HMCN2: variants seen among roughly 807,000 people sequenced by gnomAD.
HMCN2 encodes the protein hemicentin 2, also known as hemicentin-2.
Under a neutral mutation model 377.5 loss-of-function variants are expected in HMCN2, and 325 were observed. The observed-to-expected ratio is 0.86, with a 90% CI of 0.79 to 0.94. The LOEUF (loss-of-function observed/expected upper bound fraction) is 0.94, where lower values mean the gene tolerates loss of function less well. Among genes scored for constraint, HMCN2 ranks in the 40% least tolerant of loss-of-function variants. HMCN2 has a pLI of 0.00. For missense variants in HMCN2, 4,543 were observed against 4,725.3 expected (o/e 0.96, Z 1.13); for synonymous variants, 2,007 against 2,046.8 (o/e 0.98, Z 0.53).
At chr9:130,340,103 G>A (rs1235810886) in intron 23 of HMCN2, among the ~76,000 whole-genome samples, 1 of 152,234 alleles carries the variant, frequency 6.6e-6, no homozygotes, top group Non-Finnish European at 1.5e-5. Context: ...TCTGCAAAAT[G>A]CGGAGGCATG....
chr9:130,340,520 C>CTT (rs879005826), intron 23 of HMCN2, among the ~76,000 whole-genome samples: 30,643 of 144,002 alleles, frequency 0.21, 3,969 homozygotes, highest in East Asian at 0.46. Context: ...CCAAGTGGCG[C>CTT]TTTTTTTTTT....
chr9:130,421,892 AG>A (rs1158437006), intron 86 of HMCN2, among the ~76,000 whole-genome samples: 1 of 152,228 alleles, frequency 6.6e-6, no homozygotes, highest in African/African-American at 2.4e-5. Context: ...ATTTCCCCTG[AG>A]AGCTGCTGAG....
Position 130,371,104 on chromosome 9 carries a change from C to G in HMCN2, c.7210C>G (p.Pro2404Ala). The change falls in exon 46 of 98, where the codon CCC becomes GCC. Residue 2404 changes from proline (P) to alanine (A), a missense_variant. Coordinates refer to ENST00000683500, the MANE Select transcript of HMCN2 (RefSeq NM_001291815.2). ...GTTCCGAGGGGAGGAGCCTGTCAGC[C>G]CCGGGGAGGACACCTACCTGCTGGC... The part of the protein sequence containing the change: ...RWFRGEEPVS[P>A]GEDTYLLAGG... 1.0e-6 allele frequency: 1 copy of G among 985,986 alleles called. No homozygotes were observed. Among genetic ancestry groups the G allele is most frequent in the Non-Finnish European group, 1.2e-6 (1 of 830,048 alleles). The allele number at this position is 985,986 out of a possible 1,614,324, so 61.1% of individuals were successfully genotyped here. A position where few individuals can be genotyped will look rare whatever the true frequency, so the allele number is the denominator to read the frequency against.
intron 97 of HMCN2, chr9:130,433,009 A>G: frequency 2.6e-6 from 1 of 388,088 alleles, no homozygotes; most frequent in Non-Finnish European, 4.6e-6. Context: ...CTCCACCTCC[A>G]ACCCCGCCCC....
At chr9:130,424,220 C>A (rs1314066589) in intron 87 of HMCN2, among the ~76,000 whole-genome samples, 1 of 150,394 alleles carries the variant, frequency 6.6e-6, no homozygotes, top group Non-Finnish European at 1.5e-5. Context: ...GCTCTGTCAC[C>A]CAGGCTAGAG....
chr9:130,335,079 G>C (rs1838673694), intron 22 of HMCN2, among the ~76,000 whole-genome samples: 1 of 152,098 alleles, frequency 6.6e-6, no homozygotes, highest in Admixed American at 6.6e-5. Flanking sequence ...ATGAAATGGG[G>C]TTCAGAGATG....
chr9:130,268,250 C>T (rs1554919928), intron 1 of HMCN2, among the ~76,000 whole-genome samples: 1 of 152,222 alleles, frequency 6.6e-6, no homozygotes, highest in East Asian at 1.9e-4. Context: ...CCTCTCCTCT[C>T]TGGGCACTGA....
chr9:130,275,069 C>T (rs1834613741), intron 1 of HMCN2, among the ~76,000 whole-genome samples: 1 of 152,228 alleles, frequency 6.6e-6, no homozygotes, highest in Admixed American at 6.5e-5. Context: ...CGCCTGGACC[C>T]ACGGAAGATG....
chr9:130,294,210 G>C (rs1835979158), intron 4 of HMCN2, among the ~76,000 whole-genome samples: 1 of 152,192 alleles, frequency 6.6e-6, no homozygotes, highest in African/African-American at 2.4e-5. Flanking sequence ...TAAGGGATAG[G>C]ATGATATCCC....
chr9:130,293,445 A>G (rs552192336), intron 4 of HMCN2, among the ~76,000 whole-genome samples: 6 of 151,912 alleles, frequency 3.9e-5, no homozygotes, highest in African/African-American at 1.2e-4. Context: ...TTTGCACAGG[A>G]TGGACGCTCT....
At chr9:130,418,539 T>C (rs886132470) in intron 85 of HMCN2, among the ~76,000 whole-genome samples, 1 of 151,980 alleles carries the variant, frequency 6.6e-6, no homozygotes, top group Non-Finnish European at 1.5e-5. Flanking sequence ...AGAGTGAGAC[T>C]CCATCTCAAA....
At chr9:130,280,907 C>T (rs1466605779) in intron 1 of HMCN2, among the ~76,000 whole-genome samples, 1 of 151,936 alleles carries the variant, frequency 6.6e-6, no homozygotes, top group Non-Finnish European at 1.5e-5. Flanking sequence ...AGATCGAGAC[C>T]ATCCTGGCCA....
At chr9:130,410,280 A>C (rs1367341085) in intron 84 of HMCN2, among the ~76,000 whole-genome samples, 2 of 138,584 alleles carry the variant, frequency 1.4e-5, no homozygotes, top group African/African-American at 5.4e-5. Context: ...ACAGTTTGGA[A>C]GAGGTGGATC....
chr9:130,372,496 T>C, intron 47 of HMCN2, 89 bp downstream of exon 47: 1 of 306,490 alleles, frequency 3.3e-6, no homozygotes, highest in Non-Finnish European at 4.8e-6. Context: ...GACTCATGGC[T>C]CATGCTGTAG....
At chr9:130,286,023 A>G (rs1171229469) in intron 3 of HMCN2, among the ~76,000 whole-genome samples, 165 bp from the exon 4 acceptor site, 1 of 152,064 alleles carries the variant, frequency 6.6e-6, no homozygotes, top group Non-Finnish European at 1.5e-5. Context: ...TGAGATGGGC[A>G]CTTCTATTTT....
In HMCN2 at chr9:130,355,792, C is replaced by T; in HGVS notation, c.5193C>T (p.Thr1731=). 1 of 1,303,876 alleles carries T rather than the reference C, an allele frequency of 7.7e-7. No individual in the cohort carries two copies. The highest frequency in any genetic ancestry group is 1.0e-6 in the Non-Finnish European group (1 of 988,948). 80.8% of individuals were successfully genotyped at this position (1,303,876 alleles called of 1,614,324 possible). ...CTGAAGGCTTGGGACAGGTGACCAC[C>T]ATCGTGGGACAGCCCCTGGAACTTC... ...LVAEGLGQVT[T]IVGQPLELPC... is the part of the protein sequence containing the mutation. The change falls in exon 33 of 98, where the codon ACC becomes ACT. Residue 1731 remains threonine, a synonymous_variant. Transcript: ENST00000683500.
intron 85 of HMCN2, among the ~76,000 whole-genome samples, chr9:130,413,343 AG>A (rs1372453288): frequency 6.6e-6 from 1 of 152,168 alleles, no homozygotes; most frequent in African/African-American, 2.4e-5. Flanking sequence ...TTAGGTGGAA[AG>A]CAGTCAGTCT....
In HMCN2 at chr9:130,349,647, T is replaced by C; in HGVS notation, c.4414T>C (p.Trp1472Arg). Residue 1472 changes from tryptophan to arginine, a missense_variant, in exon 29 of 98, where the codon TGG becomes CGG. By Grantham distance (101) the Trp-to-Arg change is moderately radical. Transcript: ENST00000683500. The part of the protein sequence containing the change: ...TSGVPTPQVE[W>R]TKDRQPVLPG... ...AGGGGTCCCCACGCCCCAGGTGGAG[T>C]GGACCAAGGACAGGCAGTGAGTGCC... 3 of 1,303,334 alleles carry C rather than the reference T, an allele frequency of 2.3e-6. No individual in the cohort carries two copies. Among genetic ancestry groups the C allele is most frequent in the Non-Finnish European group, 3.0e-6 (3 of 988,576 alleles). 80.7% of individuals were successfully genotyped at this position (1,303,334 alleles called of 1,614,324 possible).
In HMCN2 at chr9:130,377,800, G is replaced by T; in HGVS notation, c.8212+1G>T. 2 of 986,010 alleles carry T rather than the reference G, an allele frequency of 2.0e-6. No homozygotes were observed. The highest frequency in any genetic ancestry group is 1.2e-6 in the Non-Finnish European group (1 of 830,028). The allele number at this position is 986,010 out of a possible 1,614,324, so 61.1% of individuals were successfully genotyped here. On this transcript the variant is annotated splice_donor_variant, in intron 53 of 97. Transcript: ENST00000683500. LOFTEE classifies it high-confidence loss of function. ...CAGGACTTCAACGTGCTCATCCAGG[G>T]TGCGTGGCGCCAGTGGGCCAGGGGT... is the stretch of plus-strand genomic sequence containing the variant.
Sources: gnomAD v4.1 joint callset for allele counts (sites outside exome capture counted in the v4.1 genomes callset) on GRCh38, gnomAD v4.1.1 for gene constraint, MANE v1.5 for transcripts, NCBI Gene and HGNC (gene_info 2026-07-23, HGNC 2026-07-21) for gene names.